SNRK: variants seen among roughly 807,000 people sequenced by gnomAD.
SNRK encodes SNF related kinase.
A neutral mutation model predicts 48.2 loss-of-function variants in SNRK; 3 were observed. The observed-to-expected ratio is 0.06, with a 90% CI of 0.03 to 0.16. SNRK has a LOEUF of 0.16. Ranked by LOEUF, SNRK falls within the 10% of genes least tolerant of loss-of-function variation. SNRK has a pLI of 1.00. For missense variants in SNRK, 627 were observed against 976.0 expected, an observed-to-expected ratio of 0.64 and a Z score of 4.76; for synonymous variants, 376 against 366.1, an observed-to-expected ratio of 1.03 and a Z score of -0.31.
intron 3 of SNRK, among the ~76,000 whole-genome samples, chr3:43,307,095 C>G (rs1384556671): frequency 6.6e-6 from 1 of 151,962 alleles, no homozygotes; most frequent in East Asian, 1.9e-4. Flanking sequence ...TTATTCTGAC[C>G]TGTCATTTTC....
At chr3:43,341,152 TTTTG>T (rs2091233002) in intron 5 of SNRK, among the ~76,000 whole-genome samples, 1 of 151,858 alleles carries the variant, frequency 6.6e-6, no homozygotes. Context: ...GTTTTTTTGT[TTTTG>T]TTTTTTTTTT....
intron 4 of SNRK, chr3:43,332,708 C>G (rs987309870): frequency 6.5e-6 from 1 of 154,180 alleles, no homozygotes; most frequent in African/African-American, 2.4e-5. Context: ...AGAGTTAGGG[C>G]ATTTTCTTTC....
chr3:43,320,477 A>T (rs577678142), intron 3 of SNRK, among the ~76,000 whole-genome samples: 9 of 152,192 alleles, frequency 5.9e-5, no homozygotes, highest in Non-Finnish European at 2.9e-5. Context: ...CTGATTCATC[A>T]CCACGTTCCA....
At chr3:43,343,583 A>G in intron 6 of SNRK, 105 bp downstream of exon 6, 2 of 1,269,210 alleles carry the variant, frequency 1.6e-6, no homozygotes, top group Non-Finnish European at 2.2e-6. Context: ...AAGAGAGTAC[A>G]AACAGTGATG....
intron 3 of SNRK, among the ~76,000 whole-genome samples, chr3:43,324,323 C>A (rs2091078361): frequency 6.6e-6 from 1 of 152,112 alleles, no homozygotes; most frequent in Non-Finnish European, 1.5e-5. Context: ...GCCTGGCCAA[C>A]ATGGTGAAAC....
intron 3 of SNRK, among the ~76,000 whole-genome samples, chr3:43,309,991 A>ACT (rs1324987994): frequency 6.6e-6 from 1 of 152,150 alleles, no homozygotes; most frequent in African/African-American, 2.4e-5. Context: ...CATTTAATAG[A>ACT]CTACGGTATA....
intron 6 of SNRK, among the ~76,000 whole-genome samples, chr3:43,344,519 C>T (rs756920141): frequency 6.6e-6 from 1 of 152,044 alleles, no homozygotes; most frequent in Admixed American, 6.6e-5. Context: ...GCAGTTGGCT[C>T]GCCATGTGAA....
intron 3 of SNRK, among the ~76,000 whole-genome samples, chr3:43,325,070 C>T (rs1313680579): frequency 6.6e-6 from 1 of 152,200 alleles, no homozygotes; most frequent in Non-Finnish European, 1.5e-5. Flanking sequence ...CTGCCATTTG[C>T]AGCAGGTGAT....
Position 43,347,661 on chromosome 3 carries a change from C to T in SNRK, c.1402C>T (p.Arg468Cys), listed in dbSNP as rs1400633567. The stretch of plus-strand genomic sequence containing the variant: ...GTCCCTCTCAACACAAGTGGTTTTG[C>T]GCCGGAAGCCATCTGTAACCAACCG... The part of the protein sequence containing the change: ...PMSLSTQVVL[R>C]RKPSVTNRLT... Residue 468 changes from arginine to cysteine, a missense_variant, in exon 7 of 7, where the codon CGC becomes TGC. Arg to Cys is a radical substitution (Grantham distance 180). Transcript: ENST00000296088. The surrounding 1 kb of genome is among the most constrained non-coding windows in gnomAD (Gnocchi z 5.4). 2 of 1,613,650 alleles carry T rather than the reference C, an allele frequency of 1.2e-6. No homozygotes were observed. Among genetic ancestry groups the T allele is most frequent in the Non-Finnish European group, 8.5e-7 (1 of 1,180,006 alleles).
At position 43,347,262 on chromosome 3, in the gene SNRK, G is replaced by A; in HGVS notation, c.1080-77G>A. ...AAGTCTGTAGATTTTGTCCCAGTAAGTTCATTGTGATGTACTTTACTATCA... is the reference window on the plus strand; with the variant it reads ...AAGTCTGTAGATTTTGTCCCAGTAAATTCATTGTGATGTACTTTACTATCA... On this transcript the variant is annotated intron_variant, in intron 6 of 6. Transcript: ENST00000296088. This position sits in a 1 kb window ranked among gnomAD's most constrained non-coding sequence, Gnocchi z 5.4. 4 of 1,413,878 alleles carry A rather than the reference G, an allele frequency of 2.8e-6. No homozygotes were observed. The highest frequency in any genetic ancestry group is 2.5e-5 in the Admixed American group (1 of 40,616). The allele number at this position is 1,413,878 out of a possible 1,614,324, so 87.6% of individuals were successfully genotyped here.
chr3:43,308,585 C>T (rs958081871), intron 3 of SNRK, among the ~76,000 whole-genome samples: 1 of 152,182 alleles, frequency 6.6e-6, no homozygotes, highest in Non-Finnish European at 1.5e-5. Flanking sequence ...CATCTGTTTA[C>T]AGCATAGTTT....
intron 4 of SNRK, among the ~76,000 whole-genome samples, chr3:43,336,687 T>C (rs976062482): frequency 2.0e-5 from 3 of 152,184 alleles, no homozygotes; most frequent in African/African-American, 7.2e-5. Flanking sequence ...TAGGAAGTTA[T>C]AGTCTGTTAT....
rs553637291 is a variant in SNRK at position 43,346,738 on chromosome 3, C to A, written c.1080-601C>A. 5.9e-5 allele frequency among the ~76,000 whole-genome samples: 9 copies of A among 152,228 alleles called. No individual in the cohort carries two copies. The South Asian group carries it at 1.2e-3, about 21-fold the overall frequency. ...AGCCTGAATAACAAAGAGTGAGACC[C>A]TGTCTCAAAAGCCAGATATTTATAT... is the stretch of plus-strand genomic sequence containing the variant. On this transcript the variant is annotated intron_variant, in intron 6 of 6. Coordinates refer to ENST00000296088, the MANE Select transcript of SNRK (RefSeq NM_017719.5).
At chr3:43,346,455 ATCT>A (rs1350747057) in intron 6 of SNRK, among the ~76,000 whole-genome samples, 2 of 152,258 alleles carry the variant, frequency 1.3e-5, no homozygotes, top group Non-Finnish European at 2.9e-5. Context: ...TAAAAAATTC[ATCT>A]TCTTTGGGTA....
intron 4 of SNRK, among the ~76,000 whole-genome samples, chr3:43,338,670 T>G (rs971609751): frequency 6.6e-6 from 1 of 152,242 alleles, no homozygotes; most frequent in Non-Finnish European, 1.5e-5. Flanking sequence ...TAAAATTGTT[T>G]TGTATTTCCT....
At chr3:43,333,804 C>A (rs945326773) in intron 4 of SNRK, among the ~76,000 whole-genome samples, 22 of 151,972 alleles carry the variant, frequency 1.4e-4, no homozygotes, top group Admixed American at 2.6e-4. Flanking sequence ...TAGAACAGTT[C>A]CTAGTATCTT....
intron 1 of SNRK, among the ~76,000 whole-genome samples, chr3:43,295,218 A>T (rs780691083): frequency 5.3e-5 from 8 of 152,112 alleles, no homozygotes; most frequent in Non-Finnish European, 8.8e-5. Context: ...GATTTGCCTA[A>T]CTCCTGAGTA....
intron 3 of SNRK, among the ~76,000 whole-genome samples, chr3:43,323,065 G>C (rs915746067): frequency 6.6e-6 from 1 of 151,910 alleles, no homozygotes; most frequent in African/African-American, 2.4e-5. Flanking sequence ...TTCAACAAAG[G>C]TGCTAAAGCA....
chr3:43,305,644 T>C (rs199948440), intron 3 of SNRK, among the ~76,000 whole-genome samples: 19 of 151,708 alleles, frequency 1.3e-4, no homozygotes, highest in African/African-American at 4.6e-4. Context: ...CCACCACGCC[T>C]AGCTAATTTT....
Sources: allele counts gnomAD v4.1 joint callset (sites outside exome capture counted in the v4.1 genomes callset), GRCh38; gene constraint gnomAD v4.1.1; non-coding constraint Gnocchi (gnomAD v3.1); transcripts MANE v1.5; gene names NCBI Gene and HGNC (gene_info 2026-07-23, HGNC 2026-07-21).